NLRP14: variants seen among roughly 807,000 people sequenced by gnomAD.
NLRP14 encodes the protein NACHT, LRR and PYD domains-containing protein 14.
In NLRP14, 105 loss-of-function variants were observed where a neutral mutation model predicts 94.7. That is an observed-to-expected ratio of 1.11 (90% CI 0.95 to 1.30). The LOEUF is 1.30. NLRP14 is among the 50% of genes most tolerant of loss of function. NLRP14 has a pLI of 0.00. For missense variants in NLRP14, 1,362 were observed against 1,254.1 expected (o/e 1.09, Z -1.30); for synonymous variants, 508 against 459.9 (o/e 1.10, Z -1.34).
At chr11:7,065,023 A>G (rs1852684027) in intron 10 of NLRP14, among the ~76,000 whole-genome samples, 1 of 152,004 alleles carries the variant, frequency 6.6e-6, no homozygotes, top group African/African-American at 2.4e-5. Flanking sequence ...TACGCACTAC[A>G]GCAATTCTTC....
chr11:7,072,926 C>T (rs746873810), downstream of NLRP14, among the ~76,000 whole-genome samples: 5 of 152,170 alleles, frequency 3.3e-5, no homozygotes, highest in Non-Finnish European at 5.9e-5. Context: ...TCTGGGGGCC[C>T]TCCCTTGTCC....
chr11:7,082,335 T>C, the NLRP14 span, among the ~76,000 whole-genome samples: 5 of 152,178 alleles, frequency 3.3e-5, no homozygotes, highest in Admixed American at 6.5e-5. Context: ...AATATTACAT[T>C]ATGGTAGATG....
At position 7,043,519 on chromosome 11, in the gene NLRP14, G is replaced by A; in HGVS notation, c.1493G>A (p.Trp498Ter). The change falls in exon 4 of 12, where the codon TGG (tryptophan) becomes TAG (stop). Residue 498 changes from tryptophan (W) to a stop codon, truncating the protein, a stop_gained. Transcript: ENST00000299481. LOFTEE classifies it high-confidence loss of function. ...ATGTTCTATATGTTGAAAGGCAGTT[G>A]GGAAGCTGGGAACCCTTCCTGCCAG... is the stretch of plus-strand genomic sequence containing the variant. Reference protein sequence around the residue: ...AAMFYMLKGSWEAGNPSCQPF... With the variant: ...AAMFYMLKGS 1.2e-6 allele frequency: 2 copies of A among 1,614,086 alleles called. No individual in the cohort carries two copies. The highest frequency in any genetic ancestry group is 1.1e-5 in the South Asian group (1 of 91,076).
intron 4 of NLRP14, among the ~76,000 whole-genome samples, chr11:7,046,248 C>T (rs1430034525): frequency 6.6e-6 from 1 of 152,060 alleles, no homozygotes; most frequent in Admixed American, 6.6e-5. Flanking sequence ...AAGTGGTAGA[C>T]CTGGGGCTCA....
Position 7,043,223 on chromosome 11 carries a change from G to T in NLRP14, c.1197G>T (p.Leu399=). ...TGACCTGCCAAACAACCACAGCTCTGTTTACCTGCTATATTTCTAGCTTGT... is the reference window on the plus strand; with the variant it reads ...TGACCTGCCAAACAACCACAGCTCTTTTTACCTGCTATATTTCTAGCTTGT... ...VTLTCQTTTA[L]FTCYISSLFT... Residue 399 remains leucine (L), a synonymous_variant, in exon 4 of 12, where the codon CTG becomes CTT. Transcript: ENST00000299481. 3.1e-6 allele frequency: 5 copies of T among 1,614,156 alleles called. No individual in the cohort carries two copies. In the South Asian group the frequency reaches 4.4e-5, roughly 14 times the overall value.
chr11:7,070,550 G>A, intron 11 of NLRP14, 94 bp downstream of exon 11: 1 of 803,550 alleles, frequency 1.2e-6, no homozygotes, highest in South Asian at 1.5e-5. Context: ...CCACCTAATT[G>A]TGTATCATTG....
At chr11:7,059,789 G>T in intron 8 of NLRP14, 105 bp from the exon 9 acceptor site, 1 of 995,382 alleles carries the variant, frequency 1.0e-6, no homozygotes, top group South Asian at 1.4e-5. Context: ...GAGATGGAAT[G>T]TTGGCAAATA....
chr11:7,036,256 A>C (rs907351535), intron 1 of NLRP14, among the ~76,000 whole-genome samples: 1 of 152,254 alleles, frequency 6.6e-6, no homozygotes, highest in Non-Finnish European at 1.5e-5. Context: ...CTATAAGAGA[A>C]ACAGTGCCAA....
At chr11:7,081,160 A>C in the NLRP14 span, among the ~76,000 whole-genome samples, 10 of 152,198 alleles carry the variant, frequency 6.6e-5, no homozygotes, top group African/African-American at 2.4e-4. Flanking sequence ...TGCTGACCTT[A>C]GCCATTAGGC....
At chr11:7,074,825 T>TAAA (rs1268240129), downstream of NLRP14, among the ~76,000 whole-genome samples, 1 of 152,178 alleles carries the variant, frequency 6.6e-6, no homozygotes, top group Non-Finnish European at 1.5e-5. Context: ...CATTTTCCTT[T>TAAA]AAAAAGGGGA....
At chr11:7,025,147 G>A (rs1335867726) in intron 1 of NLRP14, among the ~76,000 whole-genome samples, 1 of 151,868 alleles carries the variant, frequency 6.6e-6, no homozygotes, top group South Asian at 2.1e-4. Flanking sequence ...ACATAAAAAG[G>A]TATAATTTCT....
chr11:7,047,599 T>C (rs7929282), intron 5 of NLRP14, among the ~76,000 whole-genome samples: 147,454 of 152,076 alleles, frequency 0.97, 71,637 homozygotes, highest in Middle Eastern at 1. Flanking sequence ...AGCCACAATG[T>C]CCAGCCTATC....
chr11:7,062,576 A>G (rs1475313747), intron 10 of NLRP14, 73 bp downstream of exon 10: 6 of 1,344,468 alleles, frequency 4.5e-6, no homozygotes, highest in Non-Finnish European at 6.4e-6. Flanking sequence ...TATTTAGTGT[A>G]TGGAGAGAGG....
intron 1 of NLRP14, among the ~76,000 whole-genome samples, chr11:7,033,929 A>G (rs886270877): frequency 2.6e-5 from 4 of 152,226 alleles, no homozygotes; most frequent in Non-Finnish European, 5.9e-5. Flanking sequence ...TGCCATTCAC[A>G]GTATCAATAG....
the NLRP14 span, chr11:7,089,815 C>G: frequency 6.2e-7 from 1 of 1,606,968 alleles, no homozygotes; most frequent in South Asian, 1.1e-5. Flanking sequence ...CGGGGTTTTG[C>G]CCCCTCGCCC....
Position 7,042,500 on chromosome 11 carries a change from T to A in NLRP14, c.474T>A (p.Asp158Glu). The A allele has an allele frequency of 6.2e-7, 1 of 1,614,174 alleles. No individual in the cohort carries two copies. The highest frequency in any genetic ancestry group is 8.5e-7 in the Non-Finnish European group (1 of 1,179,972). The change falls in exon 4 of 12, where the codon GAT becomes GAA. Residue 158 changes from aspartate to glutamate, a missense_variant. Physicochemically the swap from Asp to Glu is conservative, Grantham distance 45. Transcript: ENST00000299481. ...EDFHHGIAEK[D>E]RKLLEHLFDV... ...TCCATCATGGAATTGCAGAGAAAGA[T>A]AGAAAACTGTTGGAACACTTGTTCG... is the stretch of plus-strand genomic sequence containing the variant.
chr11:7,089,685 G>C, the NLRP14 span: 2 of 1,497,892 alleles, frequency 1.3e-6, no homozygotes, highest in Non-Finnish European at 1.8e-6. Context: ...GGGGCGAGAC[G>C]GCTACTCAGG....
At chr11:7,079,572 G>A in the NLRP14 span, among the ~76,000 whole-genome samples, 1 of 152,120 alleles carries the variant, frequency 6.6e-6, no homozygotes, top group Non-Finnish European at 1.5e-5. Context: ...CTAGACCATG[G>A]GTGTTAGAAT....
At chr11:7,089,104 C>G in the NLRP14 span, 2 of 1,610,628 alleles carry the variant, frequency 1.2e-6, no homozygotes, top group East Asian at 2.2e-5. Context: ...CACTGACCGA[C>G]CGTTCGACCG....
Sources: allele counts gnomAD v4.1 joint callset (sites outside exome capture counted in the v4.1 genomes callset), GRCh38; gene constraint gnomAD v4.1.1; transcripts MANE v1.5; gene names NCBI Gene and HGNC (gene_info 2026-07-23, HGNC 2026-07-21).